Variants in FAM184A observed in about 807,000 individuals in gnomAD.
FAM184A encodes the protein protein FAM184A.
Under a neutral mutation model 143.8 loss-of-function variants are expected in FAM184A, and 99 were observed. The ratio of observed to expected loss-of-function variants is 0.69; its 90% CI spans 0.58 to 0.81. The LOEUF is 0.81. Among genes scored for constraint, FAM184A ranks in the 40% least tolerant of loss-of-function variants. FAM184A has a pLI of 0.00. For missense variants in FAM184A, 1,217 were observed against 1,310.5 expected (o/e 0.93, Z 1.10); for synonymous variants, 427 against 446.4 (o/e 0.96, Z 0.55).
Position 119,067,313 on chromosome 6 carries a change from G to A in FAM184A, c.159+10828C>T, listed in dbSNP as rs116833266. On this transcript the variant is annotated intron_variant, in intron 1 of 17. Transcript: ENST00000338891. ...GTCAAAGTCACACTCATGTGAGGGT[G>A]TTTAGGGTGGTAATAAGAGTCATAG... Among the ~76,000 whole-genome samples, 392 of 152,340 alleles carry A rather than the reference G, an allele frequency of 2.6e-3. 2 individuals are homozygous for A. The highest frequency in any genetic ancestry group is 9.0e-3 in the African/African-American group (373 of 41,576).
At chr6:119,051,109 A>G (rs1346558042) in intron 1 of FAM184A, among the ~76,000 whole-genome samples, 1 of 150,064 alleles carries the variant, frequency 6.7e-6, no homozygotes, top group South Asian at 2.2e-4. Context: ...GATTACCTAC[A>G]TAACAAACTC....
In FAM184A at chr6:119,050,678, C is replaced by T. The variant is rs182257115; in HGVS notation, c.160-25865G>A. On this transcript the variant is annotated intron_variant, in intron 1 of 17. Coordinates refer to ENST00000338891, the MANE Select transcript of FAM184A (RefSeq NM_024581.6). The stretch of plus-strand genomic sequence containing the variant: ...AAAATTAGCCGGGCGCGGTGGCGGG[C>T]GCTGTAGTCCCAGCTACTCGGGAGG... 7.7e-3 allele frequency among the ~76,000 whole-genome samples: 1,171 copies of T among 152,098 alleles called. 8 individuals are homozygous for T. Among genetic ancestry groups the T allele is most frequent in the African/African-American group, 0.027 (1,105 of 41,488 alleles).
chr6:119,024,522 T>C lies in FAM184A; in HGVS notation c.451A>G (p.Ile151Val), dbSNP rs112757909. Residue 151 changes from isoleucine (I) to valine (V), a missense_variant, in exon 2 of 18, where the codon ATA becomes GTA. Physicochemically the swap from Ile to Val is conservative, Grantham distance 29. Coordinates refer to ENST00000338891, the MANE Select transcript of FAM184A (RefSeq NM_024581.6). The part of the protein sequence containing the change: ...LCAEAQHVQR[I>V]VTMSREVEEI... ...TCGACTTCTCTAGACATGGTCACTATGCGTTGGACATGCTGGGCTTCTGCA... is the reference window on the plus strand; with the variant it reads ...TCGACTTCTCTAGACATGGTCACTACGCGTTGGACATGCTGGGCTTCTGCA... 28 of 1,613,930 alleles carry C rather than the reference T, an allele frequency of 1.7e-5. 1 individual carries two copies. Among genetic ancestry groups the C allele is most frequent in the African/African-American group, 1.7e-4 (13 of 75,008 alleles).
chr6:119,064,749 A>G (rs1238946385), intron 1 of FAM184A, among the ~76,000 whole-genome samples: 1 of 152,138 alleles, frequency 6.6e-6, no homozygotes, highest in Non-Finnish European at 1.5e-5. Flanking sequence ...CCATGTTTCA[A>G]TTCCTCTTGG....
chr6:119,137,996 C>T (rs576841531), intron 1 of FAM184A, among the ~76,000 whole-genome samples: 12 of 152,302 alleles, frequency 7.9e-5, no homozygotes, highest in South Asian at 6.2e-4. Flanking sequence ...TCCCTAGCTC[C>T]GGCACTTAGA....
At chr6:119,081,532 G>C (rs1788066711), upstream of FAM184A, among the ~76,000 whole-genome samples, 1 of 152,184 alleles carries the variant, frequency 6.6e-6, no homozygotes, top group Non-Finnish European at 1.5e-5. Flanking sequence ...GCTTGTGTTA[G>C]CCAGTTCAAT....
At chr6:119,042,554 C>T (rs1362525892) in intron 1 of FAM184A, among the ~76,000 whole-genome samples, 2 of 152,116 alleles carry the variant, frequency 1.3e-5, no homozygotes, top group African/African-American at 2.4e-5. Context: ...TATGGATTCA[C>T]CACCAATAAT....
chr6:119,024,105 C>G lies in FAM184A; in HGVS notation c.868G>C (p.Glu290Gln), dbSNP rs1431503660. 1.2e-6 allele frequency: 2 copies of G among 1,614,144 alleles called. No individual in the cohort carries two copies. Among genetic ancestry groups the G allele is most frequent in the Admixed American group, 3.3e-5 (2 of 59,996 alleles). The change falls in exon 2 of 18, where the codon GAA becomes CAA. Residue 290 changes from glutamate (E) to glutamine (Q), a missense_variant. By Grantham distance (29) the Glu-to-Gln change is conservative. Coordinates refer to ENST00000338891, the MANE Select transcript of FAM184A (RefSeq NM_024581.6). ...SKEKEADLRKEFQGQEAILRK... is the reference protein window; with the variant it reads ...SKEKEADLRKQFQGQEAILRK... ...AAAATTGCTTCTTGTCCCTGAAATT[C>G]TTTTCTAAGATCAGCTTCCTTTTCT...
intron 3 of FAM184A, among the ~76,000 whole-genome samples, chr6:119,020,617 A>G (rs1296531913): frequency 1.3e-5 from 2 of 152,202 alleles, no homozygotes; most frequent in Admixed American, 1.3e-4. Context: ...CATAAAAAGG[A>G]AGAAGTTTGT....
At chr6:119,028,990 G>A (rs1457874504) in intron 1 of FAM184A, among the ~76,000 whole-genome samples, 1 of 152,182 alleles carries the variant, frequency 6.6e-6, no homozygotes, top group Non-Finnish European at 1.5e-5. Flanking sequence ...GGTGTTATGT[G>A]TTCTATCCAG....
chr6:118,998,826 G>A (rs754919839), intron 9 of FAM184A, among the ~76,000 whole-genome samples: 4 of 152,206 alleles, frequency 2.6e-5, no homozygotes, highest in Non-Finnish European at 4.4e-5. Flanking sequence ...GATCATGAGC[G>A]TACTAGAGGC....
At chr6:119,014,196 G>C (rs575852910) in intron 5 of FAM184A, among the ~76,000 whole-genome samples, 1 of 152,238 alleles carries the variant, frequency 6.6e-6, no homozygotes, top group Non-Finnish European at 1.5e-5. Context: ...ACTGTAGTAT[G>C]TGGTACATAG....
chr6:119,042,159 C>A (rs578228447), intron 1 of FAM184A, among the ~76,000 whole-genome samples: 1 of 152,242 alleles, frequency 6.6e-6, no homozygotes, highest in South Asian at 2.1e-4. Flanking sequence ...CTGGTTAAGC[C>A]CAGAACCCAG....
intron 1 of FAM184A, among the ~76,000 whole-genome samples, chr6:119,138,134 A>G (rs1772086453): frequency 1.3e-5 from 2 of 152,262 alleles, no homozygotes; most frequent in Non-Finnish European, 2.9e-5. Flanking sequence ...TGAAGGAAAC[A>G]TATAGAATGC....
At chr6:119,087,251 A>G (rs1788245634) in intron 1 of FAM184A, among the ~76,000 whole-genome samples, 1 of 152,180 alleles carries the variant, frequency 6.6e-6, no homozygotes, top group African/African-American at 2.4e-5. Flanking sequence ...GAACTTCATC[A>G]AGATAAAAAC....
At position 119,078,241 on chromosome 6, in the gene FAM184A, A is replaced by G. The variant is rs1787949647; in HGVS notation, c.59T>C (p.Phe20Ser). 2.6e-6 allele frequency: 4 copies of G among 1,529,498 alleles called. No homozygotes were observed. Among genetic ancestry groups the G allele is most frequent in the Non-Finnish European group, 3.5e-6 (4 of 1,141,848 alleles). The allele number at this position is 1,529,498 out of a possible 1,614,324, so 94.7% of individuals were successfully genotyped here. A position where few individuals can be genotyped will look rare whatever the true frequency, so the allele number is the denominator to read the frequency against. Residue 20 changes from phenylalanine to serine, a missense_variant, in exon 1 of 18, where the codon TTC becomes TCC. Phe to Ser is a radical substitution (Grantham distance 155). Transcript: ENST00000338891. The surrounding 1 kb of genome is among the most constrained non-coding windows in gnomAD (Gnocchi z 5.5). Reference protein sequence around the residue: ...QHYYGGSAAKFAPSPATAQLA... With the variant: ...QHYYGGSAAKSAPSPATAQLA... The stretch of plus-strand genomic sequence containing the variant: ...CTGTGCGGTGGCCGGCGAGGGCGCG[A>G]ATTTGGCCGCCGAGCCGCCGTAATA...
At chr6:119,107,792 A>AAAG (rs1554197046) in intron 1 of FAM184A, among the ~76,000 whole-genome samples, 1,822 of 136,372 alleles carry the variant, frequency 0.013, 35 homozygotes, top group African/African-American at 0.04. Context: ...AAAAAAAAAA[A>AAAG]AAAGAAAGAA....
intron 1 of FAM184A, among the ~76,000 whole-genome samples, chr6:119,075,471 T>G (rs927106171): frequency 6.6e-6 from 1 of 152,184 alleles, no homozygotes; most frequent in South Asian, 2.1e-4. Context: ...GCTCAGTGTT[T>G]CATGGCTTGC....
chr6:119,074,000 A>C (rs1787782957), intron 1 of FAM184A, among the ~76,000 whole-genome samples: 1 of 152,234 alleles, frequency 6.6e-6, no homozygotes, highest in Admixed American at 6.5e-5. Flanking sequence ...CAAGAGGCTG[A>C]GGAAGGAGTA....
Sources: allele counts gnomAD v4.1 joint callset (sites outside exome capture counted in the v4.1 genomes callset), GRCh38; gene constraint gnomAD v4.1.1; non-coding constraint Gnocchi (gnomAD v3.1); transcripts MANE v1.5; gene names NCBI Gene and HGNC (gene_info 2026-07-23, HGNC 2026-07-21).